The following EIF4G3 variants were observed in gnomAD, a reference collection of about 807,000 sequenced individuals.
EIF4G3 encodes the protein eIF-4-gamma 3.
EIF4G3 carries 34 observed loss-of-function variants against 186.4 expected under a neutral mutation model. The observed-to-expected ratio is 0.18, with a 90% CI of 0.14 to 0.24. The LOEUF is 0.24. EIF4G3 is among the 10% of genes least tolerant of loss of function. The probability of loss-of-function intolerance (pLI) is 1.00; values close to 1 mark genes in which losing one functional copy is unlikely to be tolerated. For missense variants in EIF4G3, 1,536 were observed against 1,948.5 expected, an observed-to-expected ratio of 0.79 and a Z score of 3.99; for synonymous variants, 673 against 679.5, an observed-to-expected ratio of 0.99 and a Z score of 0.15.
chr1:20,950,617 T>A (rs571856282), intron 12 of EIF4G3, among the ~76,000 whole-genome samples: 32 of 152,182 alleles, frequency 2.1e-4, no homozygotes, highest in Non-Finnish European at 4.1e-4. Context: ...ATCCATGTAA[T>A]CATACAGGTG....
At chr1:21,082,888 A>T (rs964830435) in intron 3 of EIF4G3, among the ~76,000 whole-genome samples, 3 of 151,412 alleles carry the variant, frequency 2.0e-5, no homozygotes, top group Non-Finnish European at 4.4e-5. Context: ...AATACAAAAA[A>T]TTAGCCGGGC....
At chr1:21,010,221 C>A (rs1031879494) in intron 4 of EIF4G3, among the ~76,000 whole-genome samples, 1 of 151,836 alleles carries the variant, frequency 6.6e-6, no homozygotes, top group South Asian at 2.1e-4. Context: ...TTAAGGCAGG[C>A]GGATCACGAG....
intron 14 of EIF4G3, 138 bp downstream of exon 14, chr1:20,941,353 C>T (rs1254288101): frequency 6.3e-7 from 1 of 1,589,078 alleles, no homozygotes; most frequent in South Asian, 1.1e-5. Context: ...AAACACACCA[C>T]TGAAGAAACC....
chr1:21,119,370 T>C (rs1242223969), intron 2 of EIF4G3, among the ~76,000 whole-genome samples: 2 of 151,784 alleles, frequency 1.3e-5, no homozygotes, highest in African/African-American at 2.4e-5. Flanking sequence ...GAAGGTAACA[T>C]AGCTAAATTT....
At chr1:20,892,456 C>A (rs2086412295) in intron 18 of EIF4G3, among the ~76,000 whole-genome samples, 1 of 152,224 alleles carries the variant, frequency 6.6e-6, no homozygotes, top group African/African-American at 2.4e-5. Context: ...GAGCCTGCCA[C>A]TGGGGGTGTA....
At chr1:20,872,956 T>C (rs2079645778) in intron 20 of EIF4G3, among the ~76,000 whole-genome samples, 1 of 152,126 alleles carries the variant, frequency 6.6e-6, no homozygotes, top group African/African-American at 2.4e-5. Context: ...AGGCTGGCCT[T>C]GAACTCCTGA....
At chr1:21,166,514 C>T (rs1480772330) in intron 2 of EIF4G3, among the ~76,000 whole-genome samples, 2 of 152,128 alleles carry the variant, frequency 1.3e-5, no homozygotes, top group Admixed American at 1.3e-4. Context: ...CACTTAAGGT[C>T]AGGAGTCCGA....
chr1:21,017,544 C>T (rs1438387428), intron 4 of EIF4G3, among the ~76,000 whole-genome samples: 3 of 140,074 alleles, frequency 2.1e-5, no homozygotes, highest in Non-Finnish European at 4.6e-5. Flanking sequence ...AGGAGAATGG[C>T]GTGAACCCAG....
intron 7 of EIF4G3, among the ~76,000 whole-genome samples, chr1:20,984,577 C>A (rs1261322281): frequency 6.8e-6 from 1 of 147,180 alleles, no homozygotes; most frequent in Non-Finnish European, 1.5e-5. Context: ...CACACACACA[C>A]ACACACATAT....
intron 4 of EIF4G3, among the ~76,000 whole-genome samples, chr1:21,025,662 T>G (rs1383196918): frequency 6.6e-6 from 1 of 152,210 alleles, no homozygotes; most frequent in Non-Finnish European, 1.5e-5. Context: ...CTTATTTTAT[T>G]CTCTCAAATA....
intron 7 of EIF4G3, among the ~76,000 whole-genome samples, chr1:20,985,538 C>T (rs1351769687): frequency 6.6e-6 from 1 of 151,268 alleles, no homozygotes. Flanking sequence ...AAATATATAT[C>T]CTTTTTGTAC....
intron 14 of EIF4G3, among the ~76,000 whole-genome samples, chr1:20,939,536 T>C (rs2154562095): frequency 6.6e-6 from 1 of 152,316 alleles, no homozygotes; most frequent in South Asian, 2.1e-4. Context: ...GGCAAACTGA[T>C]GTTTAAAAAA....
rs2077863904 is a variant in EIF4G3 at position 20,981,145 on chromosome 1, G to A, written c.281C>T (p.Pro94Leu). The change falls in exon 9 of 37, where the codon CCC (proline) becomes CTC (leucine). Residue 94 changes from proline to leucine, a missense_variant. Transcript: ENST00000602326. Reference sequence around the variant, plus strand: ...CTGATTAGCCTGGTACACTGCAGTGGGTGTCTGTGCACCAGGACGAATGGA... The same window carrying A: ...CTGATTAGCCTGGTACACTGCAGTGAGTGTCTGTGCACCAGGACGAATGGA... ...SPSIRPGAQT[P>L]TAVYQANQHI... is the part of the protein sequence containing the mutation. The A allele has an allele frequency of 2.5e-6, 4 of 1,613,836 alleles. No homozygotes were observed. The highest frequency in any genetic ancestry group is 1.1e-5 in the South Asian group (1 of 91,048).
intron 2 of EIF4G3, among the ~76,000 whole-genome samples, chr1:21,133,004 G>C (rs1573048741): frequency 1.3e-5 from 2 of 150,914 alleles, no homozygotes; most frequent in South Asian, 4.2e-4. Context: ...GGCTAGTCTT[G>C]AACTCCTGGG....
chr1:20,912,005 T>C (rs189813477), intron 14 of EIF4G3, among the ~76,000 whole-genome samples: 1 of 152,000 alleles, frequency 6.6e-6, no homozygotes. Context: ...TCTAAAAAAA[T>C]AAGGCCAGGT....
chr1:21,020,271 T>C (rs1216432140), intron 4 of EIF4G3, among the ~76,000 whole-genome samples: 1 of 152,134 alleles, frequency 6.6e-6, no homozygotes, highest in Non-Finnish European at 1.5e-5. Context: ...GAAGATTGCT[T>C]GAGCTTAAAA....
chr1:20,846,586 T>C (rs1490681875), intron 29 of EIF4G3, among the ~76,000 whole-genome samples: 1 of 152,248 alleles, frequency 6.6e-6, no homozygotes, highest in Non-Finnish European at 1.5e-5. Context: ...ATTTACTACC[T>C]ATCTTTAGGG....
chr1:20,852,771 G>C (rs1046005923), intron 27 of EIF4G3, among the ~76,000 whole-genome samples: 2 of 152,190 alleles, frequency 1.3e-5, no homozygotes, highest in African/African-American at 4.8e-5. Context: ...GATACTCAAT[G>C]ACAACCTGAA....
chr1:21,079,266 A>T (rs879831416), intron 3 of EIF4G3, among the ~76,000 whole-genome samples: 2 of 152,170 alleles, frequency 1.3e-5, no homozygotes, highest in Non-Finnish European at 2.9e-5. Flanking sequence ...TGACCTGGCA[A>T]ATACTCAACA....
Sources: gnomAD v4.1 joint callset for allele counts (sites outside exome capture counted in the v4.1 genomes callset) on GRCh38, gnomAD v4.1.1 for gene constraint, MANE v1.5 for transcripts, NCBI Gene and HGNC (gene_info 2026-07-23, HGNC 2026-07-21) for gene names.